The following ARHGEF38 variants were observed in gnomAD, a reference collection of about 807,000 sequenced individuals.
The protein encoded by ARHGEF38 is Rho guanine nucleotide exchange factor (GEF) 38.
Under a neutral mutation model 79.9 loss-of-function variants are expected in ARHGEF38, and 79 were observed. The observed-to-expected ratio is 0.99, with a 90% CI of 0.82 to 1.19. ARHGEF38 has a LOEUF of 1.19. Among genes scored for constraint, ARHGEF38 ranks in the 50% most tolerant of loss-of-function variants. The probability of loss-of-function intolerance (pLI) is 0.00; values close to 1 mark genes in which losing one functional copy is unlikely to be tolerated. For synonymous variants in ARHGEF38, 366 were observed against 328.3 expected (o/e 1.11, Z -1.24); for missense variants, 962 against 907.2 (o/e 1.06, Z -0.78).
At chr4:105,613,589 C>T in intron 3 of ARHGEF38, 82 bp downstream of exon 3, 1 of 1,486,132 alleles carries the variant, frequency 6.7e-7, no homozygotes, top group South Asian at 1.2e-5. Context: ...GTTTTTTGTT[C>T]CTGACTCACC....
chr4:105,638,945 T>C (rs916897144), intron 5 of ARHGEF38, among the ~76,000 whole-genome samples: 2 of 152,084 alleles, frequency 1.3e-5, no homozygotes, highest in Non-Finnish European at 2.9e-5. Context: ...TGGATCAATT[T>C]CTGAAAGTGA....
intron 5 of ARHGEF38, among the ~76,000 whole-genome samples, chr4:105,641,549 G>A (rs956196602): frequency 6.6e-6 from 1 of 151,944 alleles, no homozygotes; most frequent in African/African-American, 2.4e-5. Context: ...ATTGAAAAAA[G>A]TAACAGCATA....
chr4:105,599,135 T>C (rs1177465058), intron 2 of ARHGEF38, among the ~76,000 whole-genome samples: 1 of 152,186 alleles, frequency 6.6e-6, no homozygotes, highest in Non-Finnish European at 1.5e-5. Context: ...ATTTTCTTTT[T>C]ATGGGAAGGA....
chr4:105,587,766 G>A (rs1005517640), intron 1 of ARHGEF38, among the ~76,000 whole-genome samples: 2 of 152,104 alleles, frequency 1.3e-5, no homozygotes, highest in African/African-American at 4.8e-5. Context: ...GGCCTCATGT[G>A]GATTATTTCC....
chr4:105,661,123 A>G (rs13110070), intron 10 of ARHGEF38, among the ~76,000 whole-genome samples: 22,694 of 151,760 alleles, frequency 0.15, 2,606 homozygotes, highest in African/African-American at 0.32. Context: ...TTAGCATAAC[A>G]TTTCAGGGTT....
chr4:105,612,065 A>G (rs373421447), intron 2 of ARHGEF38, among the ~76,000 whole-genome samples: 18 of 152,118 alleles, frequency 1.2e-4, no homozygotes, highest in African/African-American at 3.4e-4. Flanking sequence ...TCCACATTCA[A>G]TGACAGAATA....
chr4:105,605,677 C>G (rs571428379), intron 2 of ARHGEF38, among the ~76,000 whole-genome samples: 1 of 152,184 alleles, frequency 6.6e-6, no homozygotes, highest in South Asian at 2.1e-4. Flanking sequence ...TTTTGAGAAG[C>G]CTGATGAAAT....
In ARHGEF38 at chr4:105,680,393, T is replaced by C. The variant is rs1179611653; in HGVS notation, c.*2456T>C. ...GAACCAGTAAGTATTTATTGAGAGTTAGTGGGAATACAATGCTGTGCAAGA... is the reference window on the plus strand; with the variant it reads ...GAACCAGTAAGTATTTATTGAGAGTCAGTGGGAATACAATGCTGTGCAAGA... On this transcript the variant is annotated 3_prime_UTR_variant, in exon 14 of 14. Coordinates refer to ENST00000420470, the MANE Select transcript of ARHGEF38 (RefSeq NM_001242729.2). The C allele has an allele frequency of 4.6e-6, 1 of 217,936 alleles. No homozygotes were observed. Among genetic ancestry groups the C allele is most frequent in the African/African-American group, 2.3e-5 (1 of 43,686 alleles). 13.5% of individuals were successfully genotyped at this position (217,936 alleles called of 1,614,324 possible).
At chr4:105,657,768 G>T (rs915815696) in intron 9 of ARHGEF38, among the ~76,000 whole-genome samples, 4 of 152,098 alleles carry the variant, frequency 2.6e-5, no homozygotes, top group Admixed American at 6.6e-5. Flanking sequence ...TTTAATTTGT[G>T]TTGGCTATTG....
Position 105,659,332 on chromosome 4 carries a change from C to T in ARHGEF38, c.1512C>T (p.Leu504=), listed in dbSNP as rs565548212. ...TTACCCTCCTTAGGGACCTGATGCT[C>T]GTGGCACAGCAGGCTTACTCCACAC... ...SFITLLRDLM[L]VAQQAYSTLV... is the part of the protein sequence containing the mutation. Residue 504 remains leucine, a synonymous_variant, in exon 10 of 14, where the codon CTC becomes CTT. Transcript: ENST00000420470. 66 of 1,535,444 alleles carry T rather than the reference C, an allele frequency of 4.3e-5. No individual in the cohort carries two copies. Among genetic ancestry groups the T allele is most frequent in the Admixed American group, 5.9e-5 (3 of 51,002 alleles).
intron 13 of ARHGEF38, among the ~76,000 whole-genome samples, chr4:105,672,648 A>G (rs1286602503): frequency 3.3e-5 from 5 of 152,150 alleles, no homozygotes; most frequent in Non-Finnish European, 5.9e-5. Context: ...ATACAAACAT[A>G]TTTCTCAGGG....
chr4:105,646,797 A>G (rs1044304212), intron 6 of ARHGEF38, among the ~76,000 whole-genome samples: 1 of 151,848 alleles, frequency 6.6e-6, no homozygotes, highest in African/African-American at 2.4e-5. Flanking sequence ...AAGTAGGTGT[A>G]TCAATGGGTT....
At chr4:105,573,977 C>T (rs550343025) in intron 1 of ARHGEF38, among the ~76,000 whole-genome samples, 2 of 152,052 alleles carry the variant, frequency 1.3e-5, no homozygotes, top group Non-Finnish European at 2.9e-5. Context: ...TTTGATGCTA[C>T]TGTGAATGGA....
Position 105,648,687 on chromosome 4 carries a change from T to A in ARHGEF38, c.1008+5T>A. On this transcript the variant is annotated splice_donor_5th_base_variant and intron_variant, in intron 7 of 13. Transcript: ENST00000420470. ...CTGACCAGAGGAGAATCACAGGTAA[T>A]TTTTCTTCTTGGACCACCCACCTTT... 6.6e-7 allele frequency: 1 copy of A among 1,504,472 alleles called. No individual in the cohort carries two copies. Among genetic ancestry groups the A allele is most frequent in the South Asian group, 1.3e-5 (1 of 78,556 alleles). 93.2% of individuals were successfully genotyped at this position (1,504,472 alleles called of 1,614,324 possible). A position where few individuals can be genotyped will look rare whatever the true frequency, so the allele number is the denominator to read the frequency against.
intron 3 of ARHGEF38, among the ~76,000 whole-genome samples, chr4:105,629,516 G>A (rs1365026289): frequency 1.3e-5 from 2 of 151,472 alleles, no homozygotes; most frequent in Non-Finnish European, 2.9e-5. Context: ...AATAGGTCCA[G>A]ATTAATAGGT....
At chr4:105,571,598 C>T (rs978707061) in intron 1 of ARHGEF38, among the ~76,000 whole-genome samples, 3 of 152,188 alleles carry the variant, frequency 2.0e-5, no homozygotes, top group African/African-American at 7.2e-5. Context: ...GCTGGGATTA[C>T]AGGCGTGAGC....
Position 105,655,668 on chromosome 4 carries a change from T to A in ARHGEF38, c.1179T>A (p.Asp393Glu). The stretch of plus-strand genomic sequence containing the variant: ...AGGAGATTTCATACAACAAAGACGA[T>A]GAGATGGACTATTCTGAGACCCTAA... ...DLQEISYNKD[D>E]EMDYSETLSN... Residue 393 changes from aspartate (D) to glutamate (E), a missense_variant, in exon 9 of 14, where the codon GAT (aspartate) becomes GAA (glutamate). Asp to Glu is a conservative substitution (Grantham distance 45). Coordinates refer to ENST00000420470, the MANE Select transcript of ARHGEF38 (RefSeq NM_001242729.2). 6.5e-7 allele frequency: 1 copy of A among 1,534,712 alleles called. No individual in the cohort carries two copies. Among genetic ancestry groups the A allele is most frequent in the South Asian group, 1.2e-5 (1 of 84,012 alleles).
chr4:105,568,703 C>A (rs1430375328), intron 1 of ARHGEF38, among the ~76,000 whole-genome samples: 1 of 152,182 alleles, frequency 6.6e-6, no homozygotes, highest in Non-Finnish European at 1.5e-5. Flanking sequence ...TCTCCACAGT[C>A]AAATGACTGT....
chr4:105,677,946 G>T lies in ARHGEF38; in HGVS notation c.*9G>T, dbSNP rs1315490984. On this transcript the variant is annotated 3_prime_UTR_variant, in exon 14 of 14. Coordinates refer to ENST00000420470, the MANE Select transcript of ARHGEF38 (RefSeq NM_001242729.2). Reference sequence around the variant, plus strand: ...AGATGACTTATGCTTAAGAAAATAAGCCTTCAACTTTTATTTTCCAGCAAG... The same window carrying T: ...AGATGACTTATGCTTAAGAAAATAATCCTTCAACTTTTATTTTCCAGCAAG... The T allele has an allele frequency of 2.0e-6, 3 of 1,482,476 alleles. No homozygotes were observed. The highest frequency in any genetic ancestry group is 2.7e-6 in the Non-Finnish European group (3 of 1,114,190). 91.8% of individuals were successfully genotyped at this position (1,482,476 alleles called of 1,614,324 possible).
Sources: allele counts gnomAD v4.1 joint callset (sites outside exome capture counted in the v4.1 genomes callset), GRCh38; gene constraint gnomAD v4.1.1; transcripts MANE v1.5; gene names NCBI Gene and HGNC (gene_info 2026-07-23, HGNC 2026-07-21).